PLPPR5: variants seen among roughly 807,000 people sequenced by gnomAD.
PLPPR5 encodes phospholipid phosphatase related 5, also known as phospholipid phosphatase-related protein type 5.
Under a neutral mutation model 33.9 loss-of-function variants are expected in PLPPR5, and 16 were observed. That is an observed-to-expected ratio of 0.47 (90% CI 0.32 to 0.72). PLPPR5 has a LOEUF of 0.72. Ranked by LOEUF, PLPPR5 falls within the 30% of genes least tolerant of loss-of-function variation. The probability of loss-of-function intolerance (pLI) is 0.03; values close to 1 mark genes in which losing one functional copy is unlikely to be tolerated. For missense variants in PLPPR5, 301 were observed against 406.7 expected (o/e 0.74, Z 2.23); for synonymous variants, 163 against 150.3 (o/e 1.08, Z -0.62).
chr1:98,977,669 T>G (rs1651909828), intron 1 of PLPPR5, among the ~76,000 whole-genome samples: 1 of 151,444 alleles, frequency 6.6e-6, no homozygotes, highest in African/African-American at 2.4e-5. Context: ...ATGCTGACAT[T>G]TGAACATACC....
intron 1 of PLPPR5, among the ~76,000 whole-genome samples, chr1:98,999,124 T>A (rs1652735481): frequency 6.6e-6 from 1 of 152,180 alleles, no homozygotes; most frequent in African/African-American, 2.4e-5. Flanking sequence ...GTGGTTTCTA[T>A]CCACATTTAA....
intron 3 of PLPPR5, among the ~76,000 whole-genome samples, chr1:98,941,685 G>A (rs888004877): frequency 6.6e-6 from 1 of 151,544 alleles, no homozygotes; most frequent in African/African-American, 2.4e-5. Flanking sequence ...ACAGAACAAA[G>A]CAGTAAATAC....
At chr1:98,987,883 C>T (rs974315304) in intron 1 of PLPPR5, among the ~76,000 whole-genome samples, 5 of 151,464 alleles carry the variant, frequency 3.3e-5, no homozygotes, top group Admixed American at 1.3e-4. Context: ...CTTAAGCTAC[C>T]GAAAATTTAT....
At position 98,953,115 on chromosome 1, in the gene PLPPR5, T is replaced by C. The variant is rs754470852; in HGVS notation, c.576A>G (p.Pro192=). The C allele has an allele frequency of 6.2e-7, 1 of 1,614,124 alleles. No individual in the cohort carries two copies. The part of the protein sequence containing the change: ...DLIMRARKTF[P]SKEAALSVYA... Reference sequence around the variant, plus strand: ...AGACACTGAGAGCTGCTTCTTTGGATGGAAAGGTTTTTCGGGCTCTCATGA... The same window carrying C: ...AGACACTGAGAGCTGCTTCTTTGGACGGAAAGGTTTTTCGGGCTCTCATGA... Residue 192 remains proline, a synonymous_variant, in exon 3 of 6, where the codon CCA becomes CCG. Transcript: ENST00000263177.
At chr1:99,001,846 T>C (rs1353414332) in intron 1 of PLPPR5, among the ~76,000 whole-genome samples, 1 of 151,452 alleles carries the variant, frequency 6.6e-6, no homozygotes, top group African/African-American at 2.4e-5. Flanking sequence ...AGGGGGAGAA[T>C]TCTGGGTGTA....
intron 5 of PLPPR5, among the ~76,000 whole-genome samples, chr1:98,913,152 C>T (rs564992432): frequency 6.6e-6 from 1 of 152,272 alleles, no homozygotes; most frequent in East Asian, 1.9e-4. Flanking sequence ...TACAAGAGCC[C>T]TTCAGATTCT....
At position 98,892,780 on chromosome 1, in the gene PLPPR5, G is replaced by A. The variant is rs1570673459; in HGVS notation, c.*292C>T. 1 of 311,442 alleles carries A rather than the reference G, an allele frequency of 3.2e-6. No homozygotes were observed. The highest frequency in any genetic ancestry group is 6.4e-5 in the East Asian group (1 of 15,570). 19.3% of individuals were successfully genotyped at this position (311,442 alleles called of 1,614,324 possible). On this transcript the variant is annotated 3_prime_UTR_variant, in exon 6 of 6. Coordinates refer to ENST00000263177, the MANE Select transcript of PLPPR5 (RefSeq NM_001037317.2). Reference sequence around the variant, plus strand: ...CAATGATTCTGTGAGAAACTAAAGTGAATGTTTTATTTAAGAATTTTGTTC... The same window carrying A: ...CAATGATTCTGTGAGAAACTAAAGTAAATGTTTTATTTAAGAATTTTGTTC...
At chr1:98,996,441 G>GA (rs942495603) in intron 1 of PLPPR5, among the ~76,000 whole-genome samples, 4 of 152,040 alleles carry the variant, frequency 2.6e-5, no homozygotes, top group Non-Finnish European at 5.9e-5. Context: ...TACTGACAGT[G>GA]ATTCTTAAAC....
intron 1 of PLPPR5, among the ~76,000 whole-genome samples, chr1:98,992,884 G>C (rs1477782056): frequency 1.3e-5 from 2 of 152,206 alleles, no homozygotes; most frequent in East Asian, 3.9e-4. Context: ...AACAGTATTA[G>C]TGAGAAGGGC....
chr1:99,002,046 A>ATAT (rs139512026), intron 1 of PLPPR5, among the ~76,000 whole-genome samples: 2 of 152,028 alleles, frequency 1.3e-5, no homozygotes, highest in South Asian at 2.1e-4. Context: ...GGTACTGTTA[A>ATAT]TATTATTATT....
intron 1 of PLPPR5, among the ~76,000 whole-genome samples, chr1:98,982,701 T>C (rs944604905): frequency 6.6e-6 from 1 of 152,074 alleles, no homozygotes; most frequent in Non-Finnish European, 1.5e-5. Context: ...AATTTTGTCT[T>C]TTGACAGTTC....
intron 5 of PLPPR5, among the ~76,000 whole-genome samples, chr1:98,901,240 G>A (rs182995906): frequency 1.2e-4 from 19 of 152,246 alleles, no homozygotes; most frequent in Admixed American, 1.2e-3. Context: ...AATATCCTGA[G>A]AATGGCAAAA....
intron 5 of PLPPR5, among the ~76,000 whole-genome samples, chr1:98,902,328 C>T (rs1648723951): frequency 6.7e-6 from 1 of 149,326 alleles, no homozygotes; most frequent in Non-Finnish European, 1.5e-5. Flanking sequence ...TCAACACAAA[C>T]TCATACACAC....
In PLPPR5 at chr1:98,893,034, A is replaced by T. The variant is rs375197002; in HGVS notation, c.*38T>A. ...TGTTATGAATGGATGGTAAAAAGGGATGATGTCCAATGCAGTGAAAAACCA... is the reference window on the plus strand; with the variant it reads ...TGTTATGAATGGATGGTAAAAAGGGTTGATGTCCAATGCAGTGAAAAACCA... On this transcript the variant is annotated 3_prime_UTR_variant, in exon 6 of 6. Transcript: ENST00000263177. The T allele has an allele frequency of 6.2e-6, 10 of 1,602,310 alleles. No homozygotes were observed. In the East Asian group the frequency reaches 1.6e-4, roughly 25 times the overall value.
chr1:98,900,272 A>G (rs1157857406), intron 5 of PLPPR5, among the ~76,000 whole-genome samples: 1 of 152,106 alleles, frequency 6.6e-6, no homozygotes, highest in African/African-American at 2.4e-5. Context: ...TGCCTGCTAA[A>G]CAAAACCGTT....
chr1:98,937,789 T>C (rs1650228001), intron 3 of PLPPR5, among the ~76,000 whole-genome samples: 1 of 152,220 alleles, frequency 6.6e-6, no homozygotes, highest in African/African-American at 2.4e-5. Context: ...GTGAGCATAG[T>C]AAAATGGTTG....
intron 5 of PLPPR5, among the ~76,000 whole-genome samples, chr1:98,898,416 T>A (rs1648563367): frequency 6.6e-6 from 1 of 152,168 alleles, no homozygotes; most frequent in Admixed American, 6.6e-5. Flanking sequence ...ATTTTGCGAT[T>A]TGCTTCTTTA....
chr1:98,999,884 A>C (rs10158667), intron 1 of PLPPR5, among the ~76,000 whole-genome samples: 13,999 of 152,200 alleles, frequency 0.092, 787 homozygotes, highest in East Asian at 0.25. Flanking sequence ...TTAATGTTCA[A>C]ACCTGCCGTG....
At chr1:98,931,984 T>C (rs1253204754) in intron 3 of PLPPR5, among the ~76,000 whole-genome samples, 2 of 152,160 alleles carry the variant, frequency 1.3e-5, no homozygotes, top group Non-Finnish European at 1.5e-5. Flanking sequence ...TGTTGGTTAA[T>C]TGGATGCGTG....
Sources: allele counts gnomAD v4.1 joint callset (sites outside exome capture counted in the v4.1 genomes callset), GRCh38; gene constraint gnomAD v4.1.1; transcripts MANE v1.5; gene names NCBI Gene and HGNC (gene_info 2026-07-23, HGNC 2026-07-21).